Variants in DTWD2 observed in about 807,000 individuals in gnomAD.
DTWD2 encodes the protein DTW motif tRNA-uridine aminocarboxypropyltransferase 2, also known as tRNA-uridine aminocarboxypropyltransferase 2.
DTWD2 carries 39 observed loss-of-function variants against 31.8 expected under a neutral mutation model. The ratio of observed to expected loss-of-function variants is 1.22; its 90% CI spans 0.95 to 1.60. The LOEUF is 1.60. DTWD2 is among the 40% of genes most tolerant of loss of function. The pLI, the probability that DTWD2 is intolerant of heterozygous loss-of-function variation, is 0.00. For missense variants in DTWD2, 515 were observed against 381.5 expected, an observed-to-expected ratio of 1.35 and a Z score of -2.92; for synonymous variants, 180 against 142.8, an observed-to-expected ratio of 1.26 and a Z score of -1.86.
intron 1 of DTWD2, among the ~76,000 whole-genome samples, chr5:118,966,776 T>C (rs1458968418): frequency 6.6e-6 from 1 of 152,088 alleles, no homozygotes; most frequent in Non-Finnish European, 1.5e-5. Flanking sequence ...ACACCTGTAA[T>C]CCCAGCACTT....
intron 3 of DTWD2, among the ~76,000 whole-genome samples, chr5:118,936,860 GAA>G (rs1326622069): frequency 4.0e-5 from 6 of 151,780 alleles, no homozygotes; most frequent in Non-Finnish European, 8.8e-5. Context: ...TAAGAAAAAA[GAA>G]AAGACACAAA....
intron 4 of DTWD2, among the ~76,000 whole-genome samples, chr5:118,872,717 G>T (rs1043835690): frequency 3.3e-5 from 5 of 152,188 alleles, no homozygotes; most frequent in African/African-American, 1.2e-4. Flanking sequence ...TTGAAACATT[G>T]TAAGAATTAC....
At position 118,840,887 on chromosome 5, in the gene DTWD2, A is replaced by G; in HGVS notation, c.*30T>C. The G allele has an allele frequency of 6.2e-7, 1 of 1,604,570 alleles. No homozygotes were observed. The highest frequency in any genetic ancestry group is 1.7e-5 in the Admixed American group (1 of 58,894). On this transcript the variant is annotated 3_prime_UTR_variant, in exon 6 of 6. Coordinates refer to ENST00000510708, the MANE Select transcript of DTWD2 (RefSeq NM_173666.4). ...TAATTTGGTATTGTTAGATGAAGACAGTTAAGCTAGCACCAAAAGAATAAC... is the reference window on the plus strand; with the variant it reads ...TAATTTGGTATTGTTAGATGAAGACGGTTAAGCTAGCACCAAAAGAATAAC...
At chr5:118,878,646 AG>A (rs1752671843) in intron 4 of DTWD2, among the ~76,000 whole-genome samples, 1 of 152,214 alleles carries the variant, frequency 6.6e-6, no homozygotes, top group Non-Finnish European at 1.5e-5. Flanking sequence ...TTGCAACAAA[AG>A]CAAAAATTGA....
chr5:118,903,635 G>C (rs919730872), intron 4 of DTWD2, among the ~76,000 whole-genome samples: 8 of 151,918 alleles, frequency 5.3e-5, no homozygotes, highest in African/African-American at 1.9e-4. Context: ...ATGTTAAGCA[G>C]ATTCTTACCA....
chr5:118,916,794 T>C (rs1409905297), intron 4 of DTWD2, among the ~76,000 whole-genome samples: 2 of 152,174 alleles, frequency 1.3e-5, no homozygotes, highest in Non-Finnish European at 2.9e-5. Flanking sequence ...ACAATTTTAG[T>C]CATAGTTATT....
intron 4 of DTWD2, among the ~76,000 whole-genome samples, chr5:118,879,609 C>CAAAAA (rs775009585): frequency 2.5e-4 from 9 of 36,160 alleles, no homozygotes; most frequent in Admixed American, 5.1e-4. Flanking sequence ...GACTACAGCT[C>CAAAAA]AAAAAAAAAA....
At chr5:118,869,508 C>A (rs1223833032) in intron 4 of DTWD2, among the ~76,000 whole-genome samples, 1 of 152,144 alleles carries the variant, frequency 6.6e-6, no homozygotes. Flanking sequence ...ATATCCTAAG[C>A]TTCAAGGAAC....
intron 4 of DTWD2, among the ~76,000 whole-genome samples, chr5:118,886,128 A>G (rs1271933737): frequency 2.0e-5 from 3 of 152,364 alleles, no homozygotes; most frequent in East Asian, 1.9e-4. Context: ...TATTCACTGG[A>G]ATTATTAATT....
chr5:118,926,135 C>T (rs928655158), intron 4 of DTWD2, among the ~76,000 whole-genome samples: 10 of 152,156 alleles, frequency 6.6e-5, no homozygotes, highest in African/African-American at 1.2e-4. Context: ...ACTGCAAAGA[C>T]GTGGAACCAA....
In DTWD2 at chr5:118,985,490, TTATATATATA is replaced by T. The variant is rs56393420; in HGVS notation, c.218+2794_218+2803del. Among the ~76,000 whole-genome samples, 20 of 95,428 alleles carry T rather than the reference TTATATATATA, an allele frequency of 2.1e-4. 1 individual carries two copies. Among genetic ancestry groups the T allele is most frequent in the East Asian group, 1.1e-3 (3 of 2,740 alleles). 62.6% of individuals were successfully genotyped at this position (95,428 alleles called of 152,430 possible). A position where few individuals can be genotyped will look rare whatever the true frequency, so the allele number is the denominator to read the frequency against. Reference sequence around the variant, plus strand: ...AAAGACCACATGCTTATGTGCATTTTTATATATATATATATATATATATATATACACACAC... The same window carrying T: ...AAAGACCACATGCTTATGTGCATTTTTATATATATATATATATACACACAC... On this transcript the variant is annotated intron_variant, in intron 1 of 5. Transcript: ENST00000510708.
At chr5:118,957,166 C>A (rs141029703) in intron 1 of DTWD2, among the ~76,000 whole-genome samples, 1 of 152,146 alleles carries the variant, frequency 6.6e-6, no homozygotes, top group African/African-American at 2.4e-5. Context: ...TTACTAGATT[C>A]TCTTATAACT....
intron 4 of DTWD2, among the ~76,000 whole-genome samples, chr5:118,914,098 T>C (rs922198066): frequency 1.3e-5 from 2 of 152,216 alleles, no homozygotes; most frequent in African/African-American, 2.4e-5. Context: ...TAGGGAAGTT[T>C]TGTATCCTTG....
chr5:118,848,294 T>C (rs890525734), intron 4 of DTWD2, 76 bp from the exon 5 acceptor site: 3 of 1,336,616 alleles, frequency 2.2e-6, no homozygotes, highest in African/African-American at 3.0e-5. Context: ...TAAATACTAA[T>C]TACTTTCCTT....
chr5:118,867,708 A>G (rs1752407904), intron 4 of DTWD2, among the ~76,000 whole-genome samples: 1 of 152,230 alleles, frequency 6.6e-6, no homozygotes, highest in Non-Finnish European at 1.5e-5. Context: ...ATACACATGA[A>G]CATGCAGTCA....
chr5:118,968,497 A>T (rs1191940795), intron 1 of DTWD2, among the ~76,000 whole-genome samples: 1 of 152,170 alleles, frequency 6.6e-6, no homozygotes, highest in East Asian at 1.9e-4. Context: ...GAGAGTGAGG[A>T]AAAGCAGGGT....
At chr5:118,988,270 C>T in intron 1 of DTWD2, 24 bp downstream of exon 1, 1 of 1,528,620 alleles carries the variant, frequency 6.5e-7, no homozygotes, top group South Asian at 1.2e-5. Flanking sequence ...CGGCTGCAGT[C>T]CCCGCCCCCA....
intron 4 of DTWD2, among the ~76,000 whole-genome samples, chr5:118,891,365 A>G (rs1752974609): frequency 6.6e-6 from 1 of 152,158 alleles, no homozygotes; most frequent in Admixed American, 6.5e-5. Flanking sequence ...CTGCCTAACT[A>G]TGCCAAGCAC....
chr5:118,954,807 C>A (rs922660996), intron 1 of DTWD2, among the ~76,000 whole-genome samples: 1 of 152,182 alleles, frequency 6.6e-6, no homozygotes, highest in Non-Finnish European at 1.5e-5. Context: ...AGGCGTGAGC[C>A]ACCGTGCCCA....
Sources: allele counts gnomAD v4.1 joint callset (sites outside exome capture counted in the v4.1 genomes callset), GRCh38; gene constraint gnomAD v4.1.1; transcripts MANE v1.5; gene names NCBI Gene and HGNC (gene_info 2026-07-23, HGNC 2026-07-21).